The following NCBP1 variants were observed in gnomAD, a reference collection of about 807,000 sequenced individuals.
The protein encoded by NCBP1 is nuclear cap binding protein subunit 1, also known as nuclear cap-binding protein subunit 1.
NCBP1 carries 16 observed loss-of-function variants against 111.7 expected under a neutral mutation model. The observed-to-expected ratio is 0.14, with a 90% confidence interval of 0.10 to 0.22. The LOEUF is 0.22. NCBP1 is among the 10% of genes least tolerant of loss of function. The pLI is 1.00. For missense variants in NCBP1, 607 were observed against 957.5 expected, an observed-to-expected ratio of 0.63 and a Z score of 4.83; for synonymous variants, 304 against 314.3, an observed-to-expected ratio of 0.97 and a Z score of 0.35.
rs1338984628 is a variant in NCBP1 at position 97,656,090 on chromosome 9, G to A, written c.1373+5G>A. The A allele has an allele frequency of 6.2e-7, 1 of 1,608,512 alleles. No homozygotes were observed. The highest frequency in any genetic ancestry group is 1.7e-5 in the Admixed American group (1 of 59,950). ...AGTTCTAGAAAAATGTATGAGGTAA[G>A]TTTTTTGTGTTTTCTCCTTTTAACT... On this transcript the variant is annotated splice_donor_5th_base_variant and intron_variant, in intron 14 of 22. Coordinates refer to ENST00000375147, the MANE Select transcript of NCBP1 (RefSeq NM_002486.5).
chr9:97,654,507 A>G (rs1587713256), intron 11 of NCBP1, among the ~76,000 whole-genome samples: 1 of 152,020 alleles, frequency 6.6e-6, no homozygotes, highest in African/African-American at 2.4e-5. Context: ...AGCAGATGCC[A>G]TTGGAAAAAT....
At chr9:97,651,194 A>C in intron 9 of NCBP1, 116 bp from the exon 10 acceptor site, 1 of 665,452 alleles carries the variant, frequency 1.5e-6, no homozygotes, top group Non-Finnish European at 2.3e-6. Context: ...GAAATCTAGG[A>C]CATTTCAAAA....
At position 97,645,240 on chromosome 9, in the gene NCBP1, A is replaced by G. The variant is rs1240387593; in HGVS notation, c.489+16A>G. 6.3e-6 allele frequency: 10 copies of G among 1,577,670 alleles called. No individual in the cohort carries two copies. Among genetic ancestry groups the G allele is most frequent in the Non-Finnish European group, 8.7e-6 (10 of 1,147,368 alleles). On this transcript the variant is annotated intron_variant, in intron 5 of 22. Transcript: ENST00000375147. The stretch of plus-strand genomic sequence containing the variant: ...TGTACCTCAGGTAAGAGAACCCCTC[A>G]TGCTGAATCTTGAGGGGTTCTTGAG...
chr9:97,641,792 C>A, intron 3 of NCBP1, 130 bp downstream of exon 3: 2 of 1,026,344 alleles, frequency 1.9e-6, no homozygotes. Context: ...GAAATTTGTA[C>A]AAATGAGCCA....
intron 18 of NCBP1, 108 bp downstream of exon 18, chr9:97,663,155 T>C (rs927971589): frequency 3.6e-5 from 29 of 813,786 alleles, no homozygotes; most frequent in Middle Eastern, 2.7e-4. Flanking sequence ...TGACTCTGCC[T>C]AGATAATGGT....
intron 1 of NCBP1, among the ~76,000 whole-genome samples, chr9:97,638,036 T>G (rs746976992): frequency 3.9e-5 from 6 of 152,230 alleles, no homozygotes; most frequent in Admixed American, 2.0e-4. Flanking sequence ...TGTTCTTGCC[T>G]TGGGAACTAC....
chr9:97,647,265 T>TCCCAAAGAGATTATACTC (rs1827368515), intron 6 of NCBP1, among the ~76,000 whole-genome samples: 3 of 152,116 alleles, frequency 2.0e-5, no homozygotes, highest in African/African-American at 7.3e-5. Flanking sequence ...AGATTATACT[T>TCCCAAAGAGATTATACTC]TCCCAAAGAG....
In NCBP1 at chr9:97,648,054, G is replaced by T; in HGVS notation, c.728G>T (p.Arg243Leu). The change falls in exon 8 of 23, where the codon CGC becomes CTC. Residue 243 changes from arginine (R) to leucine (L), a missense_variant. Physicochemically the swap from Arg to Leu is moderately radical, Grantham distance 102 (BLOSUM62 -2). Coordinates refer to ENST00000375147, the MANE Select transcript of NCBP1 (RefSeq NM_002486.5). Reference protein sequence around the residue: ...WAQIQKLKKDRWQERHILRPY... With the variant: ...WAQIQKLKKDLWQERHILRPY... ...CAGATTCAGAAATTGAAAAAGGATC[G>T]CTGGCAGGAACGGCACATCCTAAGA... 1 of 1,613,978 alleles carries T rather than the reference G, an allele frequency of 6.2e-7. No individual in the cohort carries two copies. Among genetic ancestry groups the T allele is most frequent in the African/African-American group, 1.3e-5 (1 of 74,976 alleles).
chr9:97,650,932 C>CT, intron 9 of NCBP1, among the ~76,000 whole-genome samples: 1 of 147,054 alleles, frequency 6.8e-6, no homozygotes, highest in Admixed American at 6.7e-5. Context: ...GACACCCAAG[C>CT]TTTGGAATTT....
intron 18 of NCBP1, among the ~76,000 whole-genome samples, chr9:97,663,546 G>T (rs769521999): frequency 6.6e-6 from 1 of 151,806 alleles, no homozygotes; most frequent in Non-Finnish European, 1.5e-5. Flanking sequence ...GTGCAGTGGC[G>T]CAATCTTGGC....
chr9:97,641,873 T>G (rs1003394938), intron 3 of NCBP1, among the ~76,000 whole-genome samples: 1 of 152,150 alleles, frequency 6.6e-6, no homozygotes, highest in African/African-American at 2.4e-5. Context: ...TTGTATGTTC[T>G]TACAACCTTA....
rs1159034056 is a variant in NCBP1, at chr9:97,669,583, C to T, written c.2146-10C>T. On this transcript the variant is annotated splice_polypyrimidine_tract_variant and intron_variant, in intron 21 of 22. Transcript: ENST00000375147. ...CTGTAGTACTACCTTAACTTCTTCT[C>T]CCTTTCCAGCGGTTTATCATGATCT... 1 of 1,579,772 alleles carries T rather than the reference C, an allele frequency of 6.3e-7. No homozygotes were observed. Among genetic ancestry groups the T allele is most frequent in the African/African-American group, 1.3e-5 (1 of 74,122 alleles).
chr9:97,658,269 G>A (rs1366739875), intron 14 of NCBP1, among the ~76,000 whole-genome samples: 1 of 151,982 alleles, frequency 6.6e-6, no homozygotes, highest in African/African-American at 2.4e-5. Flanking sequence ...ACCATGATTT[G>A]TAAACACCTT....
At chr9:97,659,660 T>A (rs780212925) in intron 15 of NCBP1, among the ~76,000 whole-genome samples, 52 of 152,320 alleles carry the variant, frequency 3.4e-4, no homozygotes, top group Admixed American at 8.5e-4. Context: ...GCCACTGTGC[T>A]TTTTGGCAGA....
At chr9:97,640,561 A>C (rs1480956094) in intron 1 of NCBP1, among the ~76,000 whole-genome samples, 4 of 152,084 alleles carry the variant, frequency 2.6e-5, no homozygotes, top group Non-Finnish European at 5.9e-5. Flanking sequence ...GGCACTACTC[A>C]CACAAAATTT....
intron 11 of NCBP1, 148 bp from the exon 12 acceptor site, chr9:97,654,732 A>G (rs1827597839): frequency 1.3e-6 from 1 of 741,408 alleles, no homozygotes; most frequent in Non-Finnish European, 2.2e-6. Flanking sequence ...AAGCTGTAAG[A>G]AAAAACAAAA....
intron 11 of NCBP1, 136 bp downstream of exon 11, chr9:97,654,044 G>T: frequency 1.6e-6 from 1 of 616,970 alleles, no homozygotes; most frequent in South Asian, 2.2e-5. Flanking sequence ...TGTATTACAT[G>T]TATGTACTTG....
chr9:97,665,502 A>G (rs999428575), intron 19 of NCBP1, among the ~76,000 whole-genome samples: 5 of 152,222 alleles, frequency 3.3e-5, no homozygotes, highest in Non-Finnish European at 1.5e-5. Flanking sequence ...AGTGCTCAAC[A>G]GCTCCATCTG....
At chr9:97,637,784 G>T (rs769232821) in intron 1 of NCBP1, among the ~76,000 whole-genome samples, 1 of 152,118 alleles carries the variant, frequency 6.6e-6, no homozygotes, top group Non-Finnish European at 1.5e-5. Flanking sequence ...ATTTTACAGG[G>T]TTGGTTTTTG....
Sources: allele counts gnomAD v4.1 joint callset (sites outside exome capture counted in the v4.1 genomes callset), GRCh38; gene constraint gnomAD v4.1.1; transcripts MANE v1.5; gene names NCBI Gene and HGNC (gene_info 2026-07-23, HGNC 2026-07-21).